Variants in SYNRG observed in about 807,000 individuals in gnomAD.
SYNRG encodes synergin gamma.
Under a neutral mutation model 130.9 loss-of-function variants are expected in SYNRG, and 37 were observed. The observed-to-expected ratio is 0.28, with a 90% CI of 0.22 to 0.37. The LOEUF is 0.37. Ranked by LOEUF, SYNRG falls within the 10% of genes least tolerant of loss-of-function variation. SYNRG has a pLI of 1.00. For missense variants in SYNRG, 1,338 were observed against 1,588.9 expected (o/e 0.84, Z 2.68); for synonymous variants, 539 against 568.1 (o/e 0.95, Z 0.73).
chr17:37,585,817 G>A (rs1215350009), intron 4 of SYNRG, among the ~76,000 whole-genome samples: 1 of 152,136 alleles, frequency 6.6e-6, no homozygotes, highest in Non-Finnish European at 1.5e-5. Flanking sequence ...AATGATTTGG[G>A]AATCAGGAAG....
At chr17:37,548,861 G>A (rs1224330594) in intron 14 of SYNRG, among the ~76,000 whole-genome samples, 11 of 149,030 alleles carry the variant, frequency 7.4e-5, no homozygotes, top group South Asian at 2.1e-4. Context: ...AAAAACGGGC[G>A]TGGTGGCTCA....
At chr17:37,608,452 A>G (rs2064012595) in intron 1 of SYNRG, among the ~76,000 whole-genome samples, 1 of 152,208 alleles carries the variant, frequency 6.6e-6, no homozygotes, top group African/African-American at 2.4e-5. Context: ...ACTTCCTAGA[A>G]TAAAATATTT....
chr17:37,578,811 T>C (rs1389729430), intron 6 of SYNRG, among the ~76,000 whole-genome samples: 1 of 152,228 alleles, frequency 6.6e-6, no homozygotes, highest in Non-Finnish European at 1.5e-5. Context: ...AAGCCTTTCC[T>C]AGCTCCTTAT....
At chr17:37,606,398 C>T (rs990137081) in intron 1 of SYNRG, among the ~76,000 whole-genome samples, 2 of 152,086 alleles carry the variant, frequency 1.3e-5, no homozygotes, top group African/African-American at 4.8e-5. Flanking sequence ...ATGAGGAAGC[C>T]CTCTAAAAGC....
intron 13 of SYNRG, among the ~76,000 whole-genome samples, chr17:37,558,540 G>A (rs2059286070): frequency 6.6e-6 from 1 of 152,108 alleles, no homozygotes; most frequent in Non-Finnish European, 1.5e-5. Context: ...TTACATATAT[G>A]ACTCCCAAAT....
intron 17 of SYNRG, 112 bp downstream of exon 17, chr17:37,539,080 A>G (rs745379084): frequency 2.2e-5 from 34 of 1,527,524 alleles, no homozygotes; most frequent in Non-Finnish European, 2.7e-5. Context: ...GCCCAGGGAC[A>G]TCCAAGTAAG....
At chr17:37,572,088 G>C (rs1598425797) in intron 8 of SYNRG, 101 bp from the exon 9 acceptor site, 2 of 1,010,856 alleles carry the variant, frequency 2.0e-6, no homozygotes, top group African/African-American at 3.3e-5. Context: ...CAACAAAACT[G>C]CTTTAATAGA....
chr17:37,573,862 C>T (rs568315755), intron 8 of SYNRG, among the ~76,000 whole-genome samples: 2 of 152,200 alleles, frequency 1.3e-5, no homozygotes, highest in African/African-American at 4.8e-5. Context: ...CCTATCAATA[C>T]CAATTACATT....
chr17:37,593,202 CAA>C (rs1341277202), intron 3 of SYNRG, among the ~76,000 whole-genome samples: 1 of 152,114 alleles, frequency 6.6e-6, no homozygotes, highest in Admixed American at 6.5e-5. Context: ...CACTTGAGGT[CAA>C]GAGTTCAAGA....
chr17:37,535,674 A>G (rs952260670), intron 19 of SYNRG, among the ~76,000 whole-genome samples: 2 of 152,244 alleles, frequency 1.3e-5, no homozygotes, highest in African/African-American at 4.8e-5. Flanking sequence ...TAGAAGTGCA[A>G]AGGGAGTATC....
intron 3 of SYNRG, among the ~76,000 whole-genome samples, chr17:37,587,153 ATTATG>A (rs2061755303): frequency 6.6e-6 from 1 of 152,192 alleles, no homozygotes; most frequent in Admixed American, 6.5e-5. Flanking sequence ...ATTTAATAAT[ATTATG>A]TTTTTAGAGA....
chr17:37,571,956 C>G lies in SYNRG; in HGVS notation c.933G>C (p.Met311Ile). ...DAYKKILETTMTPTGIDTAKL... is the reference protein window; with the variant it reads ...DAYKKILETTITPTGIDTAKL... ...TGGCAGTATCTATTCCAGTTGGAGT[C>G]ATTGTGGTTTCTAAGATTTTCTTAT... Residue 311 changes from methionine (M) to isoleucine (I), a missense_variant, in exon 9 of 22, where the codon ATG (methionine) becomes ATC (isoleucine). Met to Ile is a conservative substitution (Grantham distance 10). Transcript: ENST00000612223. 2 of 1,612,410 alleles carry G rather than the reference C, an allele frequency of 1.2e-6. No individual in the cohort carries two copies. The highest frequency in any genetic ancestry group is 1.7e-6 in the Non-Finnish European group (2 of 1,179,626).
chr17:37,581,477 C>T (rs951127016), intron 6 of SYNRG, among the ~76,000 whole-genome samples: 1 of 152,016 alleles, frequency 6.6e-6, no homozygotes, highest in African/African-American at 2.4e-5. Context: ...GGGGTTTCAC[C>T]ATGTTGGCCA....
chr17:37,597,091 A>C (rs1169514038), intron 2 of SYNRG, among the ~76,000 whole-genome samples: 2 of 152,200 alleles, frequency 1.3e-5, no homozygotes, highest in African/African-American at 4.8e-5. Context: ...GTTCTTTTGG[A>C]TCACTTGCTC....
At chr17:37,563,848 T>C (rs937769045) in intron 11 of SYNRG, among the ~76,000 whole-genome samples, 4 of 143,456 alleles carry the variant, frequency 2.8e-5, no homozygotes, top group Non-Finnish European at 6.2e-5. Flanking sequence ...CCCCGCCAGC[T>C]TTTTTTTTTT....
At chr17:37,585,931 G>A (rs2061658650) in intron 4 of SYNRG, among the ~76,000 whole-genome samples, 1 of 152,110 alleles carries the variant, frequency 6.6e-6, no homozygotes, top group Non-Finnish European at 1.5e-5. Context: ...CAAGAGGGTT[G>A]AATTACAGGA....
At chr17:37,561,058 T>C in intron 13 of SYNRG, 137 bp downstream of exon 13, 1 of 711,022 alleles carries the variant, frequency 1.4e-6, no homozygotes, top group Admixed American at 2.7e-5. Context: ...TATTGTTTTG[T>C]CCATTCAGTT....
chr17:37,595,971 T>C (rs4795206), intron 3 of SYNRG, among the ~76,000 whole-genome samples: 39,976 of 152,100 alleles, frequency 0.26, 6,287 homozygotes, highest in African/African-American at 0.44. Context: ...GCCAGGCTGG[T>C]CTCGAACTCC....
Position 37,609,308 on chromosome 17 carries a change from TC to T in SYNRG, c.47del (p.Gly16GlufsTer20). The T allele has an allele frequency of 6.8e-7, 1 of 1,461,750 alleles. No homozygotes were observed. Among genetic ancestry groups the T allele is most frequent in the Non-Finnish European group, 9.0e-7 (1 of 1,112,584 alleles). The allele number at this position is 1,461,750 out of a possible 1,614,324, so 90.5% of individuals were successfully genotyped here. On this transcript the variant is annotated frameshift_variant, in exon 1 of 22. Coordinates refer to ENST00000612223, the MANE Select transcript of SYNRG (RefSeq NM_007247.6). LOFTEE classifies it high-confidence loss of function. ...CTCCCCCGGCGGACCCCGCGCCAGC[TC>T]CCGCGGCCCCGCCGCCACCAGAACC... Reference protein sequence around the residue: ...GAGSGGGGAAGAGAGSAGGGG... With the variant: ...GAGSGGGGAAXAGAGSAGGGG...
Sources: allele counts gnomAD v4.1 joint callset (sites outside exome capture counted in the v4.1 genomes callset), GRCh38; gene constraint gnomAD v4.1.1; transcripts MANE v1.5; gene names NCBI Gene and HGNC (gene_info 2026-07-23, HGNC 2026-07-21).